Variants in AKAP9 observed in about 807,000 individuals in gnomAD.
AKAP9 encodes the protein A-kinase anchoring protein 9.
A neutral mutation model predicts 488.5 loss-of-function variants in AKAP9; 311 were observed. The ratio of observed to expected loss-of-function variants is 0.64; its 90% confidence interval spans 0.58 to 0.70. The LOEUF is 0.70. AKAP9 is among the 30% of genes least tolerant of loss of function. The pLI, the probability that AKAP9 is intolerant of heterozygous loss-of-function variation, is 0.00. For synonymous variants in AKAP9, 1,462 were observed against 1,483.5 expected (o/e 0.99, Z 0.33); for missense variants, 4,215 against 4,374.5 (o/e 0.96, Z 1.03).
intron 49 of AKAP9, chr7:92,108,841 C>A (rs944772482): frequency 9.3e-5 from 60 of 647,402 alleles, no homozygotes; most frequent in Non-Finnish European, 1.1e-5. Context: ...TTTATCACCC[C>A]AGATCCCACT....
At chr7:92,048,087 C>A (rs1454934826) in intron 21 of AKAP9, among the ~76,000 whole-genome samples, 11 of 151,980 alleles carry the variant, frequency 7.2e-5, no homozygotes, top group Admixed American at 7.2e-4. Flanking sequence ...ACACTGTGTT[C>A]CATATGTAAG....
intron 4 of AKAP9, among the ~76,000 whole-genome samples, 186 bp from the exon 5 acceptor site, chr7:91,992,697 CAG>C (rs1797924946): frequency 6.9e-6 from 1 of 144,106 alleles, no homozygotes; most frequent in Non-Finnish European, 1.5e-5. Flanking sequence ...TCAATTGTAA[CAG>C]AATTTGCGGA....
chr7:92,063,449 T>TAA, intron 24 of AKAP9: 1 of 965,590 alleles, frequency 1.0e-6, no homozygotes, highest in Non-Finnish European at 1.2e-6. Flanking sequence ...TTTTTTTTTC[T>TAA]CTATTTTCCT....
At chr7:92,022,614 G>A (rs1380964031) in intron 13 of AKAP9, among the ~76,000 whole-genome samples, 200 bp from the exon 14 acceptor site, 2 of 152,062 alleles carry the variant, frequency 1.3e-5, no homozygotes, top group African/African-American at 4.8e-5. Context: ...ACAGCATGAG[G>A]ATCAAAAAGA....
chr7:91,992,810 G>T, intron 4 of AKAP9, 75 bp from the exon 5 acceptor site: 1 of 1,410,300 alleles, frequency 7.1e-7, no homozygotes, highest in Admixed American at 1.8e-5. Context: ...CCTTGCTATG[G>T]ATTTCAGTAT....
chr7:92,074,666 G>A (rs1812271327), intron 28 of AKAP9, among the ~76,000 whole-genome samples: 1 of 152,134 alleles, frequency 6.6e-6, no homozygotes, highest in African/African-American at 2.4e-5. Context: ...TATACACCAT[G>A]GAATACTATG....
chr7:92,052,753 C>T lies in AKAP9; in HGVS notation c.5396C>T (p.Ser1799Phe), dbSNP rs1563054288. ...ACAGATGAATCCATTCCCTCTTATT[C>T]TGGAAGTGATATGCCAAGAAATGAC... is the stretch of plus-strand genomic sequence containing the variant. ...RVTDESIPSY[S>F]GSDMPRNDIN... Residue 1799 changes from serine (S) to phenylalanine (F), a missense_variant, in exon 22 of 50, where the codon TCT (serine) becomes TTT (phenylalanine). Coordinates refer to ENST00000356239, the MANE Select transcript of AKAP9 (RefSeq NM_005751.5). 11 of 1,613,164 alleles carry T rather than the reference C, an allele frequency of 6.8e-6. No homozygotes were observed. The highest frequency in any genetic ancestry group is 9.3e-6 in the Non-Finnish European group (11 of 1,179,340).
chr7:92,040,632 G>A (rs780012484), intron 17 of AKAP9, 42 bp from the exon 18 acceptor site: 1 of 1,397,696 alleles, frequency 7.2e-7, no homozygotes, highest in Non-Finnish European at 9.8e-7. Context: ...TACAAAATGT[G>A]TTATGGTTGA....
intron 13 of AKAP9, 147 bp downstream of exon 13, chr7:92,022,499 A>C: frequency 1.5e-6 from 1 of 664,286 alleles, no homozygotes; most frequent in East Asian, 2.7e-5. Flanking sequence ...CCTTAAAATG[A>C]AAGATTTGGA....
At position 91,994,401 on chromosome 7, in the gene AKAP9, AT is replaced by A. The variant is rs908371317; in HGVS notation, c.577-219del. ...CACTTGTCCTTCTATAAGTAAATATATGGATAAGCCAGATCAATTTTTTCCT... is the reference window on the plus strand; with the variant it reads ...CACTTGTCCTTCTATAAGTAAATATAGGATAAGCCAGATCAATTTTTTCCT... On this transcript the variant is annotated intron_variant, in intron 5 of 49. Transcript: ENST00000356239. 1.2e-4 allele frequency among the ~76,000 whole-genome samples: 18 copies of A among 152,334 alleles called. 1 individual carries two copies. The highest frequency in any genetic ancestry group is 3.8e-4 in the African/African-American group (16 of 41,578).
Position 92,045,132 on chromosome 7 carries a change from A to G in AKAP9, c.5287A>G (p.Ser1763Gly). 2 of 1,613,832 alleles carry G rather than the reference A, an allele frequency of 1.2e-6. No individual in the cohort carries two copies. The highest frequency in any genetic ancestry group is 1.7e-6 in the Non-Finnish European group (2 of 1,179,950). Residue 1763 changes from serine to glycine, a missense_variant, in exon 21 of 50, where the codon AGC becomes GGC. Coordinates refer to ENST00000356239, the MANE Select transcript of AKAP9 (RefSeq NM_005751.5). ...TGGGATTCTAGATAGATCTAGTAAA[A>G]GCCAGTCATCTGCCAGCCTAATTTG... is the stretch of plus-strand genomic sequence containing the variant. ...VLGILDRSSK[S>G]QSSASLIWRS...
At chr7:92,078,124 G>A (rs1191902309) in intron 30 of AKAP9, among the ~76,000 whole-genome samples, 1 of 151,874 alleles carries the variant, frequency 6.6e-6, no homozygotes, top group African/African-American at 2.4e-5. Context: ...AGCCTCCCGA[G>A]TAGCTGGGAT....
intron 45 of AKAP9, among the ~76,000 whole-genome samples, chr7:92,101,725 G>C (rs1392492224): frequency 6.6e-6 from 1 of 152,196 alleles, no homozygotes; most frequent in Non-Finnish European, 1.5e-5. Context: ...CCTCTGAAAA[G>C]CCTCTCCGGT....
At position 92,083,656 on chromosome 7, in the gene AKAP9, G is replaced by A. The variant is rs1813990822; in HGVS notation, c.8646+1G>A. ...GATACAGTGTCTGAGAAGTAAAGAG[G>A]TATTTGGTTTTTATAATATGTGTTT... On this transcript the variant is annotated splice_donor_variant, in intron 33 of 49. Coordinates refer to ENST00000356239, the MANE Select transcript of AKAP9 (RefSeq NM_005751.5). LOFTEE classifies it high-confidence loss of function. 1 of 1,610,450 alleles carries A rather than the reference G, an allele frequency of 6.2e-7. No individual in the cohort carries two copies. Among genetic ancestry groups the A allele is most frequent in the Non-Finnish European group, 8.5e-7 (1 of 1,179,220 alleles).
intron 21 of AKAP9, among the ~76,000 whole-genome samples, chr7:92,051,660 G>A (rs10275125): frequency 0.78 from 118,363 of 152,114 alleles, 46,848 homozygotes; most frequent in African/African-American, 0.93. Flanking sequence ...TTAAGAAAAT[G>A]TGGCACCAGC....
intron 28 of AKAP9, among the ~76,000 whole-genome samples, chr7:92,072,118 G>A (rs1435776476): frequency 6.6e-6 from 1 of 152,114 alleles, no homozygotes; most frequent in Non-Finnish European, 1.5e-5. Context: ...TGGACCCAAA[G>A]CAATGATAGT....
chr7:91,941,560 G>T (rs1055846700), intron 1 of AKAP9, among the ~76,000 whole-genome samples: 2 of 152,090 alleles, frequency 1.3e-5, no homozygotes, highest in Admixed American at 6.6e-5. Flanking sequence ...GGATTTGTGC[G>T]CTGATCATCA....
Position 91,941,114 on chromosome 7 carries a change from G to T in AKAP9, c.15G>T (p.Glu5Asp). Residue 5 changes from glutamate to aspartate, a missense_variant, in exon 1 of 50, where the codon GAG becomes GAT. Around this residue, in one of 5 missense-constraint regions of AKAP9, gnomAD observed 2,361 missense variants for 2,430.0 expected, o/e 0.97. Transcript: ENST00000356239. The part of the protein sequence containing the change: MEDE[E>D]RQKKLEAGKA... ...TTGCAGAGGCCATGGAGGACGAGGA[G>T]AGACAGAAGAAGCTGGAGGCCGGCA... 6.2e-7 allele frequency: 1 copy of T among 1,614,134 alleles called. No homozygotes were observed.
At chr7:91,971,133 G>T (rs1795022477) in intron 1 of AKAP9, among the ~76,000 whole-genome samples, 1 of 152,038 alleles carries the variant, frequency 6.6e-6, no homozygotes, top group African/African-American at 2.4e-5. Context: ...TTGATATTTC[G>T]AGGTAATTTT....
Sources: gnomAD v4.1 joint callset for allele counts (sites outside exome capture counted in the v4.1 genomes callset) on GRCh38, gnomAD v4.1.1 for gene constraint, gnomAD v4.1.1 regional missense constraint, MANE v1.5 for transcripts, NCBI Gene and HGNC (gene_info 2026-07-23, HGNC 2026-07-21) for gene names.